Variants in TBC1D5 observed in about 807,000 individuals in gnomAD.
TBC1D5 encodes the protein TBC1 domain family member 5, also known as TBC1 domain family, member 5.
In TBC1D5, 75 loss-of-function variants were observed where a neutral mutation model predicts 100.3. The ratio of observed to expected loss-of-function variants is 0.75; its 90% CI spans 0.62 to 0.91. The LOEUF is 0.91. Among genes scored for constraint, TBC1D5 ranks in the 40% least tolerant of loss-of-function variants. TBC1D5 has a pLI of 0.00. For synonymous variants in TBC1D5, 323 were observed against 325.6 expected (o/e 0.99, Z 0.09); for missense variants, 910 against 942.4 (o/e 0.97, Z 0.45).
chr3:17,299,659 C>T lies in TBC1D5; in HGVS notation c.1139-7658G>A, dbSNP rs190937170. On this transcript the variant is annotated intron_variant, in intron 14 of 21. Coordinates refer to ENST00000253692, the Ensembl canonical transcript of TBC1D5. ...GGATCACAAGGTCAGGAGATGGAGA[C>T]CATCCTGGCTAACATGGTGAAACCC... 6.9e-3 allele frequency among the ~76,000 whole-genome samples: 1,056 copies of T among 152,082 alleles called. 7 individuals carry two copies. Among genetic ancestry groups the T allele is most frequent in the Middle Eastern group, 0.017 (5 of 294 alleles).
chr3:17,583,194 A>AG (rs752625763), intron 2 of TBC1D5, among the ~76,000 whole-genome samples: 3 of 152,228 alleles, frequency 2.0e-5, no homozygotes, highest in African/African-American at 7.2e-5. Context: ...CTGAGGTAAG[A>AG]GGATTGCTCG....
In TBC1D5 at chr3:17,639,955, G is replaced by A. The variant is rs912392780; in HGVS notation, c.-100-16042C>T. Among the ~76,000 whole-genome samples the A allele has an allele frequency of 1.1e-4, 17 of 152,246 alleles. 1 individual carries two copies. Among genetic ancestry groups the A allele is most frequent in the Admixed American group, 1.0e-3 (16 of 15,284 alleles). On this transcript the variant is annotated intron_variant, in intron 1 of 21. Coordinates refer to ENST00000253692, the Ensembl canonical transcript of TBC1D5. Reference sequence around the variant, plus strand: ...ACCTGATGTCGCAACAAGCATAGGAGAGGGAATGCACATGAGATCATGTAT... The same window carrying A: ...ACCTGATGTCGCAACAAGCATAGGAAAGGGAATGCACATGAGATCATGTAT...
intron 3 of TBC1D5, among the ~76,000 whole-genome samples, chr3:17,454,551 C>A (rs1482305871): frequency 1.3e-5 from 2 of 152,106 alleles, no homozygotes; most frequent in Non-Finnish European, 2.9e-5. Context: ...GCTCCGCCTC[C>A]CGGGTTCACG....
intron 18 of TBC1D5, among the ~76,000 whole-genome samples, chr3:17,212,890 G>GT (rs2073154311): frequency 6.6e-6 from 1 of 151,998 alleles, no homozygotes; most frequent in South Asian, 2.1e-4. Context: ...TTATAATAAG[G>GT]TAAGATTAAT....
chr3:17,579,054 C>T (rs1352448955), intron 2 of TBC1D5, among the ~76,000 whole-genome samples: 3 of 151,978 alleles, frequency 2.0e-5, no homozygotes, highest in Non-Finnish European at 2.9e-5. Flanking sequence ...AATTATTGTT[C>T]ATACCACTTA....
At chr3:17,361,728 A>G (rs570149760) in intron 13 of TBC1D5, among the ~76,000 whole-genome samples, 1 of 152,206 alleles carries the variant, frequency 6.6e-6, no homozygotes, top group Admixed American at 6.5e-5. Flanking sequence ...AATTTTAGGA[A>G]TACAACTAAA....
At chr3:17,473,801 A>C (rs1184097238) in intron 3 of TBC1D5, among the ~76,000 whole-genome samples, 2 of 152,214 alleles carry the variant, frequency 1.3e-5, no homozygotes, top group African/African-American at 4.8e-5. Context: ...ATAACATGAA[A>C]TGAATGTGCT....
At chr3:17,640,529 A>T (rs1019336273) in intron 1 of TBC1D5, among the ~76,000 whole-genome samples, 10 of 152,110 alleles carry the variant, frequency 6.6e-5, no homozygotes, top group African/African-American at 2.4e-4. Context: ...ACAATGTTAT[A>T]AAAAAGAACA....
rs2069777712 is a variant in TBC1D5, at chr3:17,683,425, T to A, written c.-101+55918A>T. Among the ~76,000 whole-genome samples the A allele has an allele frequency of 2.0e-5, 3 of 149,328 alleles. 1 individual carries two copies. The highest frequency in any genetic ancestry group is 2.0e-4 in the Admixed American group (3 of 15,100). On this transcript the variant is annotated intron_variant, in intron 1 of 21. Coordinates refer to ENST00000253692, the Ensembl canonical transcript of TBC1D5. ...CACAAATTCTTCTTTTGTATGTAAT[T>A]TTTCCTCAACAATACAGTATTATAA...
At chr3:17,375,386 G>A (rs1252206877) in intron 10 of TBC1D5, among the ~76,000 whole-genome samples, 1 of 151,970 alleles carries the variant, frequency 6.6e-6, no homozygotes. Context: ...GGCCAACATG[G>A]TGAAACCCCA....
chr3:17,475,563 CTCTACCCTAA>C (rs1408362583), intron 3 of TBC1D5, among the ~76,000 whole-genome samples: 3 of 152,040 alleles, frequency 2.0e-5, no homozygotes, highest in African/African-American at 7.2e-5. Context: ...AAGTAGTTTT[CTCTACCCTAA>C]ATCAAAAATA....
In TBC1D5 at chr3:17,355,412, A is replaced by C. The variant is rs2091120980; in HGVS notation, c.995+16663T>G. Among the ~76,000 whole-genome samples, 3 of 152,266 alleles carry C rather than the reference A, an allele frequency of 2.0e-5. No homozygotes were observed. The South Asian group carries it at 6.2e-4, about 32-fold the overall frequency. On this transcript the variant is annotated intron_variant, in intron 13 of 21. Coordinates refer to ENST00000253692, the Ensembl canonical transcript of TBC1D5. ...GTAGAAAACAAAACTCAGAAAATTC[A>C]TTCAAGTATGTCACTGGGTGAATTA...
intron 1 of TBC1D5, among the ~76,000 whole-genome samples, chr3:17,732,821 C>T (rs539698424): frequency 6.6e-5 from 10 of 152,142 alleles, no homozygotes; most frequent in Admixed American, 2.0e-4. Flanking sequence ...ATTAATTCTT[C>T]CATATCAGTA....
intron 1 of TBC1D5, among the ~76,000 whole-genome samples, chr3:17,644,516 A>G (rs1244301204): frequency 2.6e-5 from 4 of 152,170 alleles, no homozygotes; most frequent in African/African-American, 9.6e-5. Context: ...CACATAACAA[A>G]TATTAATGAG....
chr3:17,413,098 A>T (rs2093979914), intron 4 of TBC1D5, among the ~76,000 whole-genome samples: 1 of 152,150 alleles, frequency 6.6e-6, no homozygotes, highest in South Asian at 2.1e-4. Context: ...GACCTTGAAG[A>T]TTTCCTTAAC....
chr3:17,366,074 G>C (rs1053621370), intron 13 of TBC1D5, among the ~76,000 whole-genome samples: 21 of 152,130 alleles, frequency 1.4e-4, no homozygotes, highest in African/African-American at 3.4e-4. Context: ...CAGATCACCT[G>C]AGCTTATGAG....
At chr3:17,469,766 T>A (rs571070438) in intron 3 of TBC1D5, among the ~76,000 whole-genome samples, 4 of 152,330 alleles carry the variant, frequency 2.6e-5, no homozygotes, top group Non-Finnish European at 5.9e-5. Context: ...GTTGATCTCA[T>A]TTGATGTATT....
chr3:17,456,261 C>T (rs931818234), intron 3 of TBC1D5, among the ~76,000 whole-genome samples: 7 of 151,994 alleles, frequency 4.6e-5, no homozygotes, highest in Non-Finnish European at 7.4e-5. Context: ...TGAGTAATAC[C>T]CCACAAGCAC....
chr3:17,643,531 A>G (rs757890040), intron 1 of TBC1D5, among the ~76,000 whole-genome samples: 4 of 152,062 alleles, frequency 2.6e-5, no homozygotes, highest in Admixed American at 6.6e-5. Flanking sequence ...TGTTTGCCTC[A>G]TGGTGATTTT....
Sources: allele counts gnomAD v4.1 joint callset (sites outside exome capture counted in the v4.1 genomes callset), GRCh38; gene constraint gnomAD v4.1.1; transcripts MANE v1.5; gene names NCBI Gene and HGNC (gene_info 2026-07-23, HGNC 2026-07-21).